The following ADGRL3 variants were observed in gnomAD, a reference collection of about 807,000 sequenced individuals.
The protein encoded by ADGRL3 is adhesion G protein-coupled receptor L3, also known as calcium-independent alpha-latrotoxin receptor 3.
In ADGRL3, 62 loss-of-function variants were observed where a neutral mutation model predicts 153.5. That is an observed-to-expected ratio of 0.40 (90% CI 0.33 to 0.50). The LOEUF (loss-of-function observed/expected upper bound fraction) is 0.50. Among genes scored for constraint, ADGRL3 ranks in the 20% least tolerant of loss-of-function variants. The pLI is 0.47. For missense variants in ADGRL3, 1,641 were observed against 1,859.4 expected (o/e 0.88, Z 2.16); for synonymous variants, 710 against 672.5 (o/e 1.06, Z -0.86).
In ADGRL3 at chr4:61,763,072, T is replaced by C. The variant is rs116793175; in HGVS notation, c.1399+29518T>C. ...AAGAAATATATGCTTCATACCACAT[T>C]TCTCTTTTTAAATCAAAAACACATC... On this transcript the variant is annotated intron_variant, in intron 8 of 26. Transcript: ENST00000683033. Among the ~76,000 whole-genome samples the C allele has an allele frequency of 9.4e-3, 1,429 of 152,284 alleles. 29 individuals carry two copies. Among genetic ancestry groups the C allele is most frequent in the African/African-American group, 0.033 (1,353 of 41,580 alleles).
intron 8 of ADGRL3, among the ~76,000 whole-genome samples, chr4:61,784,154 A>G (rs951688278): frequency 6.6e-6 from 1 of 152,136 alleles, no homozygotes; most frequent in Non-Finnish European, 1.5e-5. Context: ...GAAGATATAG[A>G]AGATATGACA....
intron 9 of ADGRL3, among the ~76,000 whole-genome samples, chr4:61,829,268 T>C (rs2097844702): frequency 6.6e-6 from 1 of 152,222 alleles, no homozygotes; most frequent in African/African-American, 2.4e-5. Flanking sequence ...AGTTGCCCTA[T>C]GGAATTAGTG....
chr4:62,013,987 G>A (rs925610641), intron 21 of ADGRL3, among the ~76,000 whole-genome samples: 3 of 151,862 alleles, frequency 2.0e-5, no homozygotes, highest in African/African-American at 4.8e-5. Context: ...TCATTAAAGA[G>A]GAGAGGGGAT....
Position 61,499,837 on chromosome 4 carries a change from TAAGA to T in ADGRL3, c.55+2494_55+2497del, listed in dbSNP as rs373061135. On this transcript the variant is annotated intron_variant, in intron 3 of 26. Transcript: ENST00000683033. ...TTAAAAATAGCAGAAACAGACATTGTAAGAAAGATTCCTTTTTCAGAACTAAAAT... is the reference window on the plus strand; with the variant it reads ...TTAAAAATAGCAGAAACAGACATTGTAAGATTCCTTTTTCAGAACTAAAAT... Among the ~76,000 whole-genome samples the T allele has an allele frequency of 6.4e-4, 98 of 152,254 alleles. 1 individual carries two copies. The highest frequency in any genetic ancestry group is 2.2e-3 in the African/African-American group (93 of 41,576).
intron 8 of ADGRL3, among the ~76,000 whole-genome samples, chr4:61,791,435 G>A (rs2097340449): frequency 1.3e-5 from 2 of 152,166 alleles, no homozygotes; most frequent in Admixed American, 1.3e-4. Context: ...GCAAGAGGTG[G>A]GTTCCCATGG....
intron 2 of ADGRL3, among the ~76,000 whole-genome samples, chr4:61,466,726 G>T (rs1301556781): frequency 6.6e-6 from 1 of 152,086 alleles, no homozygotes; most frequent in African/African-American, 2.4e-5. Flanking sequence ...ATCTTTCTGT[G>T]CTGATTAAAC....
chr4:61,312,010 C>T (rs927058772), intron 1 of ADGRL3, among the ~76,000 whole-genome samples: 4 of 152,030 alleles, frequency 2.6e-5, no homozygotes, highest in Admixed American at 2.6e-4. Context: ...TGAGAGATCT[C>T]TGTACCTTCC....
chr4:61,710,768 CTATG>C (rs2095960706), intron 6 of ADGRL3, among the ~76,000 whole-genome samples: 1 of 152,154 alleles, frequency 6.6e-6, no homozygotes, highest in African/African-American at 2.4e-5. Context: ...GTTGCACTCT[CTATG>C]TAACTATTTG....
intron 1 of ADGRL3, among the ~76,000 whole-genome samples, chr4:61,206,922 G>T (rs1737502519): frequency 6.6e-6 from 1 of 151,968 alleles, no homozygotes; most frequent in Admixed American, 6.6e-5. Context: ...GGTAGAGGTT[G>T]CAGTGAGCCA....
intron 6 of ADGRL3, among the ~76,000 whole-genome samples, chr4:61,710,583 C>T (rs1286231474): frequency 6.6e-6 from 1 of 152,122 alleles, no homozygotes; most frequent in African/African-American, 2.4e-5. Flanking sequence ...ATGAATTATA[C>T]TAAGCAAGGG....
At chr4:61,781,295 C>T (rs1349131615) in intron 8 of ADGRL3, among the ~76,000 whole-genome samples, 1 of 133,228 alleles carries the variant, frequency 7.5e-6, no homozygotes, top group African/African-American at 3.2e-5. Context: ...CATTGCACTC[C>T]AGCCAGCCTG....
At chr4:61,551,801 A>C (rs2148820164) in intron 4 of ADGRL3, among the ~76,000 whole-genome samples, 1 of 152,328 alleles carries the variant, frequency 6.6e-6, no homozygotes, top group South Asian at 2.1e-4. Flanking sequence ...TTTTTAAAAC[A>C]TACATTGGTA....
intron 6 of ADGRL3, among the ~76,000 whole-genome samples, chr4:61,703,937 C>T (rs977315185): frequency 1.3e-5 from 2 of 151,622 alleles, no homozygotes; most frequent in East Asian, 3.9e-4. Context: ...AGCAGGTGGT[C>T]GGTTGGCATT....
intron 1 of ADGRL3, among the ~76,000 whole-genome samples, chr4:61,317,523 G>T (rs923803568): frequency 6.6e-6 from 1 of 152,146 alleles, no homozygotes; most frequent in South Asian, 2.1e-4. Context: ...TACATCAAAA[G>T]CTGCTAACTC....
chr4:61,670,794 G>T (rs759878324), intron 5 of ADGRL3, among the ~76,000 whole-genome samples: 1 of 152,158 alleles, frequency 6.6e-6, no homozygotes, highest in Non-Finnish European at 1.5e-5. Flanking sequence ...GTATGCCTGG[G>T]GTTGGCCATA....
At chr4:62,039,039 C>G (rs77272606) in intron 24 of ADGRL3, among the ~76,000 whole-genome samples, 32,825 of 151,942 alleles carry the variant, frequency 0.22, 3,739 homozygotes, top group Middle Eastern at 0.26. Context: ...TTTCTTAACT[C>G]TTTTAGCTCA....
At chr4:61,954,219 A>G (rs2098957872) in intron 17 of ADGRL3, among the ~76,000 whole-genome samples, 1 of 152,030 alleles carries the variant, frequency 6.6e-6, no homozygotes, top group Admixed American at 6.6e-5. Context: ...GTCCTAAAGC[A>G]TGCATCACCT....
chr4:61,704,914 C>G (rs1307603927), intron 6 of ADGRL3, among the ~76,000 whole-genome samples: 2 of 152,186 alleles, frequency 1.3e-5, no homozygotes, highest in African/African-American at 4.8e-5. Flanking sequence ...GTCACATCTT[C>G]AGACTCCATT....
intron 21 of ADGRL3, among the ~76,000 whole-genome samples, chr4:62,006,032 A>ACAT (rs2099157758): frequency 1.4e-5 from 1 of 73,090 alleles, no homozygotes; most frequent in Non-Finnish European, 2.6e-5. Flanking sequence ...ATATATATAT[A>ACAT]TTTTTTTTTT....
Sources: allele counts gnomAD v4.1 joint callset (sites outside exome capture counted in the v4.1 genomes callset), GRCh38; gene constraint gnomAD v4.1.1; transcripts MANE v1.5; gene names NCBI Gene and HGNC (gene_info 2026-07-23, HGNC 2026-07-21).